SULT1E1: variants seen among roughly 807,000 people sequenced by gnomAD.
The protein encoded by SULT1E1 is sulfotransferase 1E1.
SULT1E1 carries 36 observed loss-of-function variants against 33.6 expected under a neutral mutation model. That is an observed-to-expected ratio of 1.07 (90% CI 0.82 to 1.41). The LOEUF is 1.41. Ranked by LOEUF, SULT1E1 falls within the 40% of genes most tolerant of loss-of-function variation. The probability of loss-of-function intolerance (pLI) is 0.00; values close to 1 mark genes in which losing one functional copy is unlikely to be tolerated. For missense variants in SULT1E1, 371 were observed against 345.7 expected (o/e 1.07, Z -0.58); for synonymous variants, 121 against 111.7 (o/e 1.08, Z -0.53).
rs143806454 is a variant in SULT1E1, at chr4:69,845,080, G to C, written c.592-739C>G. Among the ~76,000 whole-genome samples the C allele has an allele frequency of 8.1e-4, 123 of 151,846 alleles. 1 individual carries two copies. The East Asian group carries it at 0.021, about 26-fold the overall frequency. ...AATTTTGGGTAGATGACCCTGTTTTGCTCCCATAATTGTTTAAATAAATCT... is the reference window on the plus strand; with the variant it reads ...AATTTTGGGTAGATGACCCTGTTTTCCTCCCATAATTGTTTAAATAAATCT... On this transcript the variant is annotated intron_variant, in intron 6 of 7. Transcript: ENST00000226444.
chr4:69,828,636 C>T, the SULT1E1 span, among the ~76,000 whole-genome samples: 13 of 152,218 alleles, frequency 8.5e-5, no homozygotes, highest in South Asian at 2.7e-3. Context: ...CAAGAACCCA[C>T]CAGAAGGAAC....
intron 4 of SULT1E1, among the ~76,000 whole-genome samples, chr4:69,852,190 G>A (rs1721137946): frequency 6.6e-6 from 1 of 152,010 alleles, no homozygotes; most frequent in Non-Finnish European, 1.5e-5. Context: ...CCTATCTGAT[G>A]CTATTTCTAA....
chr4:69,826,291 C>G, the SULT1E1 span, among the ~76,000 whole-genome samples: 3 of 152,010 alleles, frequency 2.0e-5, no homozygotes, highest in East Asian at 5.8e-4. Context: ...AACAGGTTTT[C>G]GAGAATGTGT....
At chr4:69,852,963 T>C (rs559779311) in intron 4 of SULT1E1, among the ~76,000 whole-genome samples, 1 of 152,190 alleles carries the variant, frequency 6.6e-6, no homozygotes, top group Admixed American at 6.5e-5. Context: ...AACTGGTCTT[T>C]ACTAATGAGA....
chr4:69,857,653 ACTG>A lies in SULT1E1; in HGVS notation c.-9-3_-9-1del. On this transcript the variant is annotated splice_acceptor_variant and splice_polypyrimidine_tract_variant and intron_variant, in intron 1 of 7. Coordinates refer to ENST00000226444, the MANE Select transcript of SULT1E1 (RefSeq NM_005420.3). LOFTEE classifies it low-confidence loss of function (5UTR_SPLICE). ...TCAAGTTCAGAATTCATTGTGGTACACTGAAAAAAAACCTCTGCTTTATACTTT... is the reference window on the plus strand; with the variant it reads ...TCAAGTTCAGAATTCATTGTGGTACAAAAAAAAACCTCTGCTTTATACTTT... 1 of 1,582,394 alleles carries A rather than the reference ACTG, an allele frequency of 6.3e-7. No homozygotes were observed. The highest frequency in any genetic ancestry group is 8.5e-7 in the Non-Finnish European group (1 of 1,170,124).
At chr4:69,856,868 G>A (rs1352784862) in intron 2 of SULT1E1, among the ~76,000 whole-genome samples, 3 of 145,654 alleles carry the variant, frequency 2.1e-5, no homozygotes, top group African/African-American at 5.0e-5. Flanking sequence ...CCCAGGAGGC[G>A]GAGTTTGCAG....
intron 4 of SULT1E1, among the ~76,000 whole-genome samples, chr4:69,850,274 C>T (rs1721074654): frequency 6.6e-6 from 1 of 151,956 alleles, no homozygotes; most frequent in African/African-American, 2.4e-5. Flanking sequence ...CATCTGTGGC[C>T]TACTCTAGGT....
chr4:69,856,878 G>A (rs1012236385), intron 2 of SULT1E1, among the ~76,000 whole-genome samples: 1 of 138,594 alleles, frequency 7.2e-6, no homozygotes, highest in Non-Finnish European at 1.5e-5. Flanking sequence ...GGAGTTTGCA[G>A]TGAGCAGAGA....
At chr4:69,831,148 C>T in the SULT1E1 span, among the ~76,000 whole-genome samples, 1 of 152,140 alleles carries the variant, frequency 6.6e-6, no homozygotes, top group Non-Finnish European at 1.5e-5. Context: ...GATGAACCAG[C>T]AGCAAAAGCA....
the SULT1E1 span, among the ~76,000 whole-genome samples, chr4:69,823,800 G>A: frequency 7.2e-5 from 11 of 152,264 alleles, no homozygotes; most frequent in South Asian, 6.2e-4. Context: ...AGAAGTTCCT[G>A]TAGGCAAAGA....
At chr4:69,825,703 G>C in the SULT1E1 span, among the ~76,000 whole-genome samples, 18 of 152,032 alleles carry the variant, frequency 1.2e-4, no homozygotes, top group Non-Finnish European at 2.2e-4. Flanking sequence ...ATTCAGCTCC[G>C]GGGTCCCGAC....
chr4:69,837,733 G>A (rs542384161), downstream of SULT1E1, among the ~76,000 whole-genome samples: 1 of 152,242 alleles, frequency 6.6e-6, no homozygotes, highest in South Asian at 2.1e-4. Flanking sequence ...GTCTCACTAT[G>A]TTGCCCAAGC....
chr4:69,843,965 A>G (rs149372065), intron 7 of SULT1E1, among the ~76,000 whole-genome samples, 196 bp downstream of exon 7: 1 of 152,300 alleles, frequency 6.6e-6, no homozygotes, highest in East Asian at 1.9e-4. Context: ...ACATAATATG[A>G]TGCATATAAT....
intron 1 of SULT1E1, among the ~76,000 whole-genome samples, chr4:69,858,591 C>T (rs1721300944): frequency 6.6e-6 from 1 of 152,114 alleles, no homozygotes; most frequent in African/African-American, 2.4e-5. Context: ...TGCCCAAAAA[C>T]CTGCCTGATA....
chr4:69,842,212 T>C (rs1486204205), intron 7 of SULT1E1, 106 bp from the exon 8 acceptor site: 2 of 661,856 alleles, frequency 3.0e-6, no homozygotes, highest in South Asian at 1.8e-5. Context: ...ATTATACTTG[T>C]AATTCTCAAT....
At chr4:69,828,188 C>T in the SULT1E1 span, among the ~76,000 whole-genome samples, 3 of 152,314 alleles carry the variant, frequency 2.0e-5, no homozygotes, top group South Asian at 2.1e-4. Flanking sequence ...CCTTGATGAC[C>T]GTCCTCAATA....
chr4:69,836,953 T>G (rs922559404), downstream of SULT1E1, among the ~76,000 whole-genome samples: 1 of 152,176 alleles, frequency 6.6e-6, no homozygotes, highest in South Asian at 2.1e-4. Flanking sequence ...CATGGTAGCA[T>G]GTGCCTATAG....
At chr4:69,824,156 C>T in the SULT1E1 span, among the ~76,000 whole-genome samples, 631 of 152,274 alleles carry the variant, frequency 4.1e-3, 2 homozygotes, top group African/African-American at 0.014. Flanking sequence ...CACCTGAGTG[C>T]GGTACCTGGA....
chr4:69,827,987 G>GC, the SULT1E1 span, among the ~76,000 whole-genome samples: 1 of 152,206 alleles, frequency 6.6e-6, no homozygotes, highest in Non-Finnish European at 1.5e-5. Flanking sequence ...AAGGCACACT[G>GC]CCCCAGAGGG....
Sources: allele counts gnomAD v4.1 joint callset (sites outside exome capture counted in the v4.1 genomes callset), GRCh38; gene constraint gnomAD v4.1.1; transcripts MANE v1.5; gene names NCBI Gene and HGNC (gene_info 2026-07-23, HGNC 2026-07-21).